Variants in SMPD4 observed in about 807,000 individuals in gnomAD.
The protein encoded by SMPD4 is neutral sphingomyelinase 3.
SMPD4 carries 58 observed loss-of-function variants against 97.8 expected under a neutral mutation model. The ratio of observed to expected loss-of-function variants is 0.59; its 90% CI spans 0.48 to 0.74. SMPD4 has a LOEUF of 0.74. Among genes scored for constraint, SMPD4 ranks in the 30% least tolerant of loss-of-function variants. SMPD4 has a pLI of 0.00. For missense variants in SMPD4, 853 were observed against 1,080.5 expected (o/e 0.79, Z 2.95); for synonymous variants, 388 against 450.0 (o/e 0.86, Z 1.74).
intron 11 of SMPD4, among the ~76,000 whole-genome samples, chr2:130,159,892 A>C (rs965229996): frequency 6.6e-6 from 1 of 151,706 alleles, no homozygotes; most frequent in Non-Finnish European, 1.5e-5. Context: ...CACTTGACCC[A>C]CCTCACCTGG....
chr2:130,175,880 C>T (rs1688939742), intron 2 of SMPD4, among the ~76,000 whole-genome samples: 1 of 152,206 alleles, frequency 6.6e-6, no homozygotes. Flanking sequence ...GTGGGGTGCA[C>T]TGAGGAAGAA....
rs1301874142 is a variant in SMPD4, at chr2:130,152,076, G to T, written c.*479C>A. 1 of 155,476 alleles carries T rather than the reference G, an allele frequency of 6.4e-6. No individual in the cohort carries two copies. The highest frequency in any genetic ancestry group is 1.4e-5 in the Non-Finnish European group (1 of 70,082). 9.6% of individuals were successfully genotyped at this position (155,476 alleles called of 1,614,324 possible). On this transcript the variant is annotated 3_prime_UTR_variant, in exon 20 of 20. Coordinates refer to ENST00000680298, the MANE Select transcript of SMPD4 (RefSeq NM_017951.5). ...GTTTTCTCACAACTCTAGAAACTTT[G>T]ATTCTTTCCTGGAGTGGAGACTTAA...
rs749913973 is a variant in SMPD4, at chr2:130,161,171, C to T, written c.951+15G>A. On this transcript the variant is annotated intron_variant, in intron 11 of 19. Coordinates refer to ENST00000680298, the MANE Select transcript of SMPD4 (RefSeq NM_017951.5). ...TGCACTCTGGGCAGGAGGAAGGGAA[C>T]GAATGAGCCAGTACTTGGTAGGCGT... 5.6e-6 allele frequency: 9 copies of T among 1,610,842 alleles called. No homozygotes were observed. Among genetic ancestry groups the T allele is most frequent in the South Asian group, 1.1e-5 (1 of 90,952 alleles).
At chr2:130,156,951 G>C (rs1023062290) in intron 12 of SMPD4, 5 of 928,278 alleles carry the variant, frequency 5.4e-6, no homozygotes, top group South Asian at 5.1e-5. Flanking sequence ...TGCTGGCCCT[G>C]GTGGGCCTGG....
intron 9 of SMPD4, among the ~76,000 whole-genome samples, chr2:130,165,848 G>T (rs1687878530): frequency 6.6e-6 from 1 of 152,142 alleles, no homozygotes; most frequent in South Asian, 2.1e-4. Context: ...AAGATTAGAG[G>T]TGTGAGGCCC....
chr2:130,158,400 C>T (rs2104824072), intron 11 of SMPD4: 1 of 359,804 alleles, frequency 2.8e-6, no homozygotes, highest in East Asian at 1.0e-4. Flanking sequence ...TCACTGCAAC[C>T]TCCGCCTCCA....
At chr2:130,157,780 G>A (rs909148829) in intron 11 of SMPD4, 3 of 266,144 alleles carry the variant, frequency 1.1e-5, no homozygotes, top group Admixed American at 4.9e-5. Flanking sequence ...CCCAGGGCAG[G>A]AGAAAGCCAG....
At chr2:130,155,350 C>T in intron 14 of SMPD4, 91 bp from the exon 15 acceptor site, 1 of 1,523,640 alleles carries the variant, frequency 6.6e-7, no homozygotes, top group Non-Finnish European at 8.9e-7. Context: ...CTTGCTCACC[C>T]TTGGGCTTTC....
Position 130,173,803 on chromosome 2 carries a change from C to A in SMPD4, c.127-147G>T, listed in dbSNP as rs1281970189. 7 of 1,045,202 alleles carry A rather than the reference C, an allele frequency of 6.7e-6. No homozygotes were observed. The Admixed American group carries it at 1.1e-4, about 16-fold the overall frequency. The allele number at this position is 1,045,202 out of a possible 1,614,324, so 64.7% of individuals were successfully genotyped here. On this transcript the variant is annotated intron_variant, in intron 3 of 19. Transcript: ENST00000680298. ...GGATCAGCCCTGCACCCAAAGGAAG[C>A]CTGGTGCCATGGTGCCAACGACAAG...
chr2:130,163,365 TG>T (rs1687614629), intron 10 of SMPD4, among the ~76,000 whole-genome samples: 1 of 152,210 alleles, frequency 6.6e-6, no homozygotes, highest in Non-Finnish European at 1.5e-5. Context: ...GGTGAGGATT[TG>T]GGGGACCCTA....
chr2:130,158,813 TCTGTGCTGCTGAGG>T (rs1687100476), intron 11 of SMPD4, among the ~76,000 whole-genome samples: 1 of 152,110 alleles, frequency 6.6e-6, no homozygotes, highest in South Asian at 2.1e-4. Flanking sequence ...CCGTAACACA[TCTGTGCTGCTGAGG>T]CTGGTGCAGG....
chr2:130,181,549 G>C lies in SMPD4; in HGVS notation c.-65C>G, dbSNP rs1558771389. 4 of 1,605,514 alleles carry C rather than the reference G, an allele frequency of 2.5e-6. No homozygotes were observed. Among genetic ancestry groups the C allele is most frequent in the Non-Finnish European group, 2.5e-6 (3 of 1,177,128 alleles). On this transcript the variant is annotated 5_prime_UTR_variant, in exon 1 of 20. Transcript: ENST00000680298. ...ACTCACCTGTGGGATCCATAGCGTCGCTCGCCTCAGAGATGGAAGCCGCCA... is the reference window on the plus strand; with the variant it reads ...ACTCACCTGTGGGATCCATAGCGTCCCTCGCCTCAGAGATGGAAGCCGCCA...
chr2:130,161,744 T>G (rs191151528), intron 10 of SMPD4, among the ~76,000 whole-genome samples: 1 of 152,138 alleles, frequency 6.6e-6, no homozygotes, highest in African/African-American at 2.4e-5. Context: ...CACTGGGACA[T>G]GCTGCCAGCC....
At chr2:130,153,015 C>T (rs371316712) in intron 19 of SMPD4, 28 bp downstream of exon 19, 20 of 1,600,152 alleles carry the variant, frequency 1.2e-5, no homozygotes, top group East Asian at 1.1e-4. Context: ...TCTCTGAAGA[C>T]GCCAGGCCAG....
In SMPD4 at chr2:130,155,154, C is replaced by T. The variant is rs1686651713; in HGVS notation, c.1395G>A (p.Met465Ile). ...TDLVSPKHALMVFRVAKVFAQ... is the reference protein window; with the variant it reads ...TDLVSPKHALIVFRVAKVFAQ... The stretch of plus-strand genomic sequence containing the variant: ...CAAAGACTTTGGCCACTCGGAACAC[C>T]ATGAGCGCGTGCTTGGGGCTGACCA... Residue 465 changes from methionine (M) to isoleucine (I), a missense_variant, in exon 15 of 20, where the codon ATG (methionine) becomes ATA (isoleucine). Met to Ile is a conservative substitution (Grantham distance 10, BLOSUM62 1). This residue lies in a region of SMPD4 where 511 missense variants were observed against 608.1 expected (regional missense o/e 0.84). Coordinates refer to ENST00000680298, the MANE Select transcript of SMPD4 (RefSeq NM_017951.5). 6.2e-7 allele frequency: 1 copy of T among 1,614,216 alleles called. No homozygotes were observed. Among genetic ancestry groups the T allele is most frequent in the African/African-American group, 1.3e-5 (1 of 75,072 alleles).
intron 8 of SMPD4, among the ~76,000 whole-genome samples, chr2:130,171,466 C>A (rs1207944268): frequency 2.6e-5 from 4 of 152,132 alleles, no homozygotes; most frequent in Admixed American, 6.5e-5. Flanking sequence ...AGCAAAAAAA[C>A]CAGGCATCAA....
chr2:130,177,632 GT>G (rs1340132264), intron 1 of SMPD4, among the ~76,000 whole-genome samples: 1 of 151,416 alleles, frequency 6.6e-6, no homozygotes, highest in Non-Finnish European at 1.5e-5. Flanking sequence ...AGGAGAGGTG[GT>G]TGCAGTGAGC....
chr2:130,153,189 G>T lies in SMPD4; in HGVS notation c.2026-18C>A. On this transcript the variant is annotated intron_variant, in intron 18 of 19. Coordinates refer to ENST00000680298, the MANE Select transcript of SMPD4 (RefSeq NM_017951.5). ...TTGATGATCTAGAAAGCCAGGCCAT[G>T]GGGATGGGTCAGAAAACACAGCCCC... is the stretch of plus-strand genomic sequence containing the variant. 6.2e-7 allele frequency: 1 copy of T among 1,613,684 alleles called. No homozygotes were observed. Among genetic ancestry groups the T allele is most frequent in the Non-Finnish European group, 8.5e-7 (1 of 1,179,988 alleles).
intron 2 of SMPD4, among the ~76,000 whole-genome samples, chr2:130,176,265 T>C (rs563276215): frequency 1.3e-5 from 2 of 152,228 alleles, no homozygotes; most frequent in African/African-American, 4.8e-5. Context: ...AACATTCTGA[T>C]ATACATCCTT....
Sources: gnomAD v4.1 joint callset for allele counts (sites outside exome capture counted in the v4.1 genomes callset) on GRCh38, gnomAD v4.1.1 for gene constraint, gnomAD v4.1.1 regional missense constraint, MANE v1.5 for transcripts, NCBI Gene and HGNC (gene_info 2026-07-23, HGNC 2026-07-21) for gene names.